INSL6: variants seen among roughly 807,000 people sequenced by gnomAD.
The protein encoded by INSL6 is insulin-like peptide INSL6.
INSL6 carries 16 observed loss-of-function variants against 9.4 expected under a neutral mutation model. That is an observed-to-expected ratio of 1.70 (90% CI 1.15 to 2.59). INSL6 has a LOEUF of 2.59. Among genes scored for constraint, INSL6 ranks in the 30% most tolerant of loss-of-function variants. INSL6 has a pLI of 0.00. For synonymous variants in INSL6, 154 were observed against 96.9 expected (o/e 1.59, Z -3.46); for missense variants, 391 against 257.3 (o/e 1.52, Z -3.56).
chr9:5,178,459 C>G lies in INSL6; in HGVS notation c.289+6855G>C, dbSNP rs150872818. On this transcript the variant is annotated intron_variant, in intron 1 of 1. Coordinates refer to ENST00000381641, the MANE Select transcript of INSL6 (RefSeq NM_007179.3). ...CAGGACACTGATCCATTACTCTTCA[C>G]TGGGCAGGACCTCCATGTGGAGGCT... 6.6e-5 allele frequency among the ~76,000 whole-genome samples: 10 copies of G among 152,348 alleles called. No individual in the cohort carries two copies. In the East Asian group the frequency reaches 1.7e-3, roughly 26 times the overall value.
chr9:5,055,938 A>G, the INSL6 span: 5 of 639,856 alleles, frequency 7.8e-6, no homozygotes, highest in African/African-American at 7.4e-5. Context: ...AAACTTTTTG[A>G]TAACATCTAG....
the INSL6 span, chr9:5,110,900 C>G: frequency 1.8e-6 from 1 of 550,756 alleles, no homozygotes; most frequent in Admixed American, 2.2e-5. Context: ...GATGCCCGCT[C>G]TGGCCCCAAG....
intron 1 of INSL6, among the ~76,000 whole-genome samples, chr9:5,169,802 A>G (rs1165494376): frequency 2.0e-5 from 3 of 152,234 alleles, no homozygotes; most frequent in Non-Finnish European, 2.9e-5. Flanking sequence ...GGTCAATTCA[A>G]TAAGAAGAGC....
At chr9:5,100,911 C>T in the INSL6 span, 1 of 152,232 alleles carries the variant, frequency 6.6e-6, no homozygotes, top group African/African-American at 2.4e-5. Context: ...TAAAATATCA[C>T]TTTACAAGAT....
chr9:4,998,205 G>A, the INSL6 span, among the ~76,000 whole-genome samples: 1 of 151,986 alleles, frequency 6.6e-6, no homozygotes, highest in Non-Finnish European at 1.5e-5. Context: ...TACAGGCTTG[G>A]AATATGATGG....
At chr9:5,018,509 T>C in the INSL6 span, among the ~76,000 whole-genome samples, 1 of 152,072 alleles carries the variant, frequency 6.6e-6, no homozygotes, top group Non-Finnish European at 1.5e-5. Flanking sequence ...GCTAATTCTT[T>C]TGTATTTTTC....
intron 3 of INSL6, among the ~76,000 whole-genome samples, chr9:5,131,469 C>CTTTT (rs1554687896): frequency 9.4e-6 from 1 of 105,998 alleles, no homozygotes; most frequent in African/African-American, 5.3e-5. Flanking sequence ...CAGAGTTTTG[C>CTTTT]TCTTGTCGTC....
chr9:5,094,098 A>G, the INSL6 span: 4 of 152,168 alleles, frequency 2.6e-5, no homozygotes, highest in Non-Finnish European at 1.5e-5. Context: ...CTTCTTAACA[A>G]TATGCCTATA....
intron 2 of INSL6, among the ~76,000 whole-genome samples, chr9:5,151,573 G>T (rs865811356): frequency 3.9e-5 from 6 of 152,074 alleles, no homozygotes; most frequent in African/African-American, 1.4e-4. Flanking sequence ...TGTGAAGTGA[G>T]ATCTCATTAT....
intron 1 of INSL6, among the ~76,000 whole-genome samples, chr9:5,176,537 A>G (rs1825312298): frequency 6.6e-6 from 1 of 152,188 alleles, no homozygotes; most frequent in African/African-American, 2.4e-5. Context: ...AGACTAAGCA[A>G]AAGTATGCGA....
the INSL6 span, among the ~76,000 whole-genome samples, chr9:5,000,484 A>G: frequency 6.6e-6 from 1 of 152,246 alleles, no homozygotes; most frequent in Admixed American, 6.5e-5. Context: ...GAAGCGTAAC[A>G]TAAAAATGAA....
the INSL6 span, among the ~76,000 whole-genome samples, chr9:5,008,465 G>A: frequency 2.0e-5 from 3 of 152,300 alleles, no homozygotes; most frequent in East Asian, 3.9e-4. Context: ...GAGAAAGTAT[G>A]AGATAGTTGT....
At chr9:5,073,626 C>G in the INSL6 span, 1 of 1,092,526 alleles carries the variant, frequency 9.2e-7, no homozygotes, top group African/African-American at 1.6e-5. Flanking sequence ...TTTATTATGG[C>G]AGAGAGAATT....
chr9:5,097,418 C>G, the INSL6 span: 1 of 152,152 alleles, frequency 6.6e-6, no homozygotes, highest in African/African-American at 2.4e-5. Flanking sequence ...GGGATGATCT[C>G]CCATGTCGTG....
intron 1 of INSL6, among the ~76,000 whole-genome samples, chr9:5,166,559 A>G (rs1825056140): frequency 6.6e-6 from 1 of 152,228 alleles, no homozygotes; most frequent in South Asian, 2.1e-4. Flanking sequence ...ACATTTAAAA[A>G]TAAAGATTAA....
chr9:5,060,826 T>C, the INSL6 span, among the ~76,000 whole-genome samples: 3 of 152,232 alleles, frequency 2.0e-5, no homozygotes, highest in African/African-American at 7.2e-5. Context: ...CCCAGCTCCA[T>C]CAGATGAATC....
At chr9:5,164,583 A>G (rs548325430) in intron 1 of INSL6, among the ~76,000 whole-genome samples, 12 of 152,350 alleles carry the variant, frequency 7.9e-5, no homozygotes, top group African/African-American at 2.9e-4. Context: ...CTATAAATCT[A>G]ACTCCAGAAC....
chr9:5,143,900 T>C (rs1411792478), intron 2 of INSL6, among the ~76,000 whole-genome samples: 1 of 151,910 alleles, frequency 6.6e-6, no homozygotes, highest in African/African-American at 2.4e-5. Flanking sequence ...CCTCAGGTAA[T>C]ACACCCGCCT....
rs199542857 is a variant in INSL6 at position 5,179,379 on chromosome 9, G to A, written c.289+5935C>T. 1.2e-4 allele frequency among the ~76,000 whole-genome samples: 18 copies of A among 152,298 alleles called. No homozygotes were observed. In the East Asian group the frequency reaches 2.3e-3, roughly 20 times the overall value. ...CAACAGATGCTGGCAAGGTTGTGGA[G>A]AAAAAGGAACACTTTTACACTGTTG... On this transcript the variant is annotated intron_variant, in intron 1 of 1. Transcript: ENST00000381641.
Sources: gnomAD v4.1 joint callset for allele counts (sites outside exome capture counted in the v4.1 genomes callset) on GRCh38, gnomAD v4.1.1 for gene constraint, MANE v1.5 for transcripts, NCBI Gene and HGNC (gene_info 2026-07-23, HGNC 2026-07-21) for gene names.